Variants in CSGALNACT1 observed in about 807,000 individuals in gnomAD.
The protein encoded by CSGALNACT1 is chondroitin sulfate N-acetylgalactosaminyltransferase 1.
A neutral mutation model predicts 51.0 loss-of-function variants in CSGALNACT1; 52 were observed. The ratio of observed to expected loss-of-function variants is 1.02; its 90% CI spans 0.82 to 1.29. The LOEUF (loss-of-function observed/expected upper bound fraction) is 1.29, where lower values mean the gene tolerates loss of function less well. CSGALNACT1 is among the 50% of genes most tolerant of loss of function. CSGALNACT1 has a pLI of 0.00. For missense variants in CSGALNACT1, 935 were observed against 679.2 expected (o/e 1.38, Z -4.19); for synonymous variants, 341 against 254.4 (o/e 1.34, Z -3.24).
At chr8:19,525,333 G>T (rs2081447665) in intron 3 of CSGALNACT1, among the ~76,000 whole-genome samples, 1 of 152,022 alleles carries the variant, frequency 6.6e-6, no homozygotes, top group Non-Finnish European at 1.5e-5. Flanking sequence ...GCTGGGCATG[G>T]TGGCCCATTC....
intron 1 of CSGALNACT1, among the ~76,000 whole-genome samples, chr8:19,672,129 ATTCT>A (rs2059839910): frequency 6.6e-6 from 1 of 152,204 alleles, no homozygotes; most frequent in Admixed American, 6.5e-5. Flanking sequence ...ATGTGCTCAG[ATTCT>A]TTGTCTCCCT....
At chr8:19,504,431 C>G (rs1213218128) in intron 4 of CSGALNACT1, among the ~76,000 whole-genome samples, 1 of 152,198 alleles carries the variant, frequency 6.6e-6, no homozygotes, top group Non-Finnish European at 1.5e-5. Flanking sequence ...CTTGAAGGTA[C>G]TTCTTTTCCC....
intron 1 of CSGALNACT1, among the ~76,000 whole-genome samples, chr8:19,620,776 T>C (rs1380911123): frequency 6.6e-6 from 1 of 152,180 alleles, no homozygotes; most frequent in Non-Finnish European, 1.5e-5. Context: ...TTTTAAGATA[T>C]CCTCAGTTAA....
At chr8:19,441,978 C>T (rs1344632225) in intron 5 of CSGALNACT1, among the ~76,000 whole-genome samples, 1 of 152,222 alleles carries the variant, frequency 6.6e-6, no homozygotes, top group Non-Finnish European at 1.5e-5. Context: ...TGATCATCAT[C>T]CCTGGCAATC....
In CSGALNACT1 at chr8:19,505,703, T is replaced by C; in HGVS notation, c.132A>G (p.Ala44=). Residue 44 remains alanine, a synonymous_variant, in exon 4 of 10, where the codon GCA becomes GCG. Coordinates refer to ENST00000454498, the Ensembl canonical transcript of CSGALNACT1. ...CCGTGGGGCTGTTGGCCCTGGGCAGTGCCAGCTGCTCCTCGTCACCTTTTG... is the reference window on the plus strand; with the variant it reads ...CCGTGGGGCTGTTGGCCCTGGGCAGCGCCAGCTGCTCCTCGTCACCTTTTG... The C allele has an allele frequency of 6.2e-7, 1 of 1,614,164 alleles. No individual in the cohort carries two copies. The highest frequency in any genetic ancestry group is 8.5e-7 in the Non-Finnish European group (1 of 1,180,034).
intron 1 of CSGALNACT1, among the ~76,000 whole-genome samples, chr8:19,633,316 C>G (rs544835574): frequency 6.6e-6 from 1 of 152,204 alleles, no homozygotes; most frequent in East Asian, 1.9e-4. Flanking sequence ...TCTTACCCTA[C>G]TGCTTGACAA....
chr8:19,655,631 C>T (rs2058205746), intron 1 of CSGALNACT1, among the ~76,000 whole-genome samples: 2 of 151,854 alleles, frequency 1.3e-5, no homozygotes, highest in African/African-American at 4.8e-5. Context: ...GTTGCCTATG[C>T]TATAGTCTCA....
chr8:19,662,065 C>CA, intron 1 of CSGALNACT1, among the ~76,000 whole-genome samples: 1 of 22,940 alleles, frequency 4.4e-5, no homozygotes, highest in East Asian at 6.0e-4. Context: ...GTTGCCCCCA[C>CA]CCCCCCCCAC....
chr8:19,605,253 T>C (rs150356773), upstream of CSGALNACT1, among the ~76,000 whole-genome samples: 326 of 152,142 alleles, frequency 2.1e-3, 3 homozygotes, highest in African/African-American at 7.1e-3. Context: ...CTGGCCAACA[T>C]GGTGAAACCC....
chr8:19,666,809 A>AGAGAG (rs2059243232), intron 1 of CSGALNACT1, among the ~76,000 whole-genome samples: 9 of 25,064 alleles, frequency 3.6e-4, no homozygotes, highest in African/African-American at 1.5e-3. Context: ...GAAAGAAAGA[A>AGAGAG]AGAGAGAGAG....
intron 3 of CSGALNACT1, among the ~76,000 whole-genome samples, chr8:19,537,762 G>T (rs2084089573): frequency 6.6e-6 from 1 of 152,122 alleles, no homozygotes; most frequent in African/African-American, 2.4e-5. Context: ...GCATCCCAGA[G>T]TTAAATGTAA....
At chr8:19,686,817 G>A (rs1195462982), upstream of CSGALNACT1, among the ~76,000 whole-genome samples, 1 of 152,096 alleles carries the variant, frequency 6.6e-6, no homozygotes, top group Admixed American at 6.6e-5. Context: ...GACTGCCCTG[G>A]GAAAGTAACA....
At chr8:19,742,769 T>C (rs1326901751) in intron 1 of CSGALNACT1, among the ~76,000 whole-genome samples, 1 of 152,230 alleles carries the variant, frequency 6.6e-6, no homozygotes, top group Non-Finnish European at 1.5e-5. Flanking sequence ...AAATACATTA[T>C]ATCTGTGAAG....
chr8:19,738,207 A>G (rs2064103291), intron 1 of CSGALNACT1, among the ~76,000 whole-genome samples: 1 of 152,236 alleles, frequency 6.6e-6, no homozygotes, highest in African/African-American at 2.4e-5. Flanking sequence ...TGAGTGACAG[A>G]GCAGGATCTC....
At chr8:19,690,407 C>T (rs57663769) in intron 1 of CSGALNACT1, among the ~76,000 whole-genome samples, 123 of 152,144 alleles carry the variant, frequency 8.1e-4, no homozygotes, top group East Asian at 6.8e-3. Context: ...TGGGCCTTAA[C>T]ATTCTGTTTC....
intron 4 of CSGALNACT1, among the ~76,000 whole-genome samples, chr8:19,501,484 G>A (rs1444212076): frequency 1.3e-5 from 2 of 152,280 alleles, no homozygotes; most frequent in East Asian, 3.9e-4. Context: ...ACATAGCTTA[G>A]GTTCCATCTC....
At chr8:19,458,403 TA>T in intron 5 of CSGALNACT1, 22 bp downstream of exon 4, 1 of 1,584,944 alleles carries the variant, frequency 6.3e-7, no homozygotes, top group Non-Finnish European at 8.7e-7. Context: ...CGGAGGAAGA[TA>T]AACACGTGCG....
chr8:19,649,634 C>A, intron 1 of CSGALNACT1, among the ~76,000 whole-genome samples: 1 of 151,544 alleles, frequency 6.6e-6, no homozygotes, highest in Admixed American at 6.6e-5. Context: ...CATGCAATTT[C>A]CAAAATAATC....
chr8:19,671,741 G>T (rs969813329), intron 1 of CSGALNACT1, among the ~76,000 whole-genome samples: 9 of 152,112 alleles, frequency 5.9e-5, no homozygotes, highest in Non-Finnish European at 1.3e-4. Context: ...GCGGGGTGGT[G>T]GGGGGAGCTA....
Sources: gnomAD v4.1 joint callset for allele counts (sites outside exome capture counted in the v4.1 genomes callset) on GRCh38, gnomAD v4.1.1 for gene constraint, MANE v1.5 for transcripts, NCBI Gene and HGNC (gene_info 2026-07-23, HGNC 2026-07-21) for gene names.